Variants in GRM3 observed in about 807,000 individuals in gnomAD.
GRM3 encodes the protein metabotropic glutamate receptor 3.
Under a neutral mutation model 70.5 loss-of-function variants are expected in GRM3, and 26 were observed. That is an observed-to-expected ratio of 0.37 (90% CI 0.27 to 0.51). The LOEUF (loss-of-function observed/expected upper bound fraction) is 0.51. Among genes scored for constraint, GRM3 ranks in the 20% least tolerant of loss-of-function variants. The pLI, the probability that GRM3 is intolerant of heterozygous loss-of-function variation, is 0.93. For missense variants in GRM3, 859 were observed against 1,123.8 expected, an observed-to-expected ratio of 0.76 and a Z score of 3.37; for synonymous variants, 443 against 434.9, an observed-to-expected ratio of 1.02 and a Z score of -0.23.
At chr7:86,853,867 G>A (rs996392406) in intron 5 of GRM3, among the ~76,000 whole-genome samples, 5 of 152,134 alleles carry the variant, frequency 3.3e-5, no homozygotes, top group Admixed American at 1.3e-4. Context: ...TTCTTTCATG[G>A]TTTTAAGCAG....
chr7:86,712,327 C>G (rs903740061), intron 1 of GRM3, among the ~76,000 whole-genome samples: 1 of 152,002 alleles, frequency 6.6e-6, no homozygotes, highest in Non-Finnish European at 1.5e-5. Flanking sequence ...CGTTATGTCA[C>G]TTCATCACTC....
At chr7:86,704,416 C>T (rs1265973240) in intron 1 of GRM3, among the ~76,000 whole-genome samples, 1 of 151,824 alleles carries the variant, frequency 6.6e-6, no homozygotes, top group Non-Finnish European at 1.5e-5. Context: ...TAACACTGGA[C>T]CACAAAAGGA....
chr7:86,731,477 C>T (rs1405543041), intron 1 of GRM3, among the ~76,000 whole-genome samples: 1 of 152,190 alleles, frequency 6.6e-6, no homozygotes, highest in Non-Finnish European at 1.5e-5. Context: ...TAACAATATT[C>T]AACCAGTTTT....
At chr7:86,692,686 C>T (rs965658309) in intron 1 of GRM3, among the ~76,000 whole-genome samples, 7 of 152,130 alleles carry the variant, frequency 4.6e-5, no homozygotes, top group Admixed American at 6.6e-5. Flanking sequence ...CTGTTTTATT[C>T]TTGAAGCTAT....
chr7:86,791,289 TATG>T (rs1311777194), intron 3 of GRM3, among the ~76,000 whole-genome samples: 3 of 152,238 alleles, frequency 2.0e-5, no homozygotes, highest in Non-Finnish European at 4.4e-5. Context: ...CAATTTATAA[TATG>T]ATTGCTTTGA....
chr7:86,681,105 CA>C (rs1487960192), intron 1 of GRM3, among the ~76,000 whole-genome samples: 1 of 152,108 alleles, frequency 6.6e-6, no homozygotes, highest in Non-Finnish European at 1.5e-5. Context: ...ACAATATTTG[CA>C]AACACTTGAT....
At chr7:86,782,731 A>G (rs1797107074) in intron 2 of GRM3, among the ~76,000 whole-genome samples, 1 of 152,226 alleles carries the variant, frequency 6.6e-6, no homozygotes, top group African/African-American at 2.4e-5. Context: ...AATGCAGCCT[A>G]GCACCCAGTG....
Position 86,839,561 on chromosome 7 carries a change from A to G in GRM3, c.2047A>G (p.Ile683Val), listed in dbSNP as rs1185935664. Residue 683 changes from isoleucine (I) to valine (V), a missense_variant, in exon 4 of 6, where the codon ATC becomes GTC. Coordinates refer to ENST00000361669, the MANE Select transcript of GRM3 (RefSeq NM_000840.3). The surrounding 1 kb of genome is among the most constrained non-coding windows in gnomAD (Gnocchi z 4.5). ...VKNGAQRPKF[I>V]SPSSQVFICL... ...GAATGGCGCTCAGAGGCCAAAATTC[A>G]TCAGCCCCAGTTCTCAGGTTTTCAT... 1.2e-6 allele frequency: 2 copies of G among 1,609,852 alleles called. No individual in the cohort carries two copies. The highest frequency in any genetic ancestry group is 2.7e-5 in the African/African-American group (2 of 74,704).
chr7:86,856,999 T>G (rs1032100737), intron 5 of GRM3, among the ~76,000 whole-genome samples: 1 of 151,976 alleles, frequency 6.6e-6, no homozygotes, highest in African/African-American at 2.4e-5. Flanking sequence ...ATAACTAGAG[T>G]TATAGATGAA....
At chr7:86,721,549 G>T (rs1041598787) in intron 1 of GRM3, among the ~76,000 whole-genome samples, 7 of 151,986 alleles carry the variant, frequency 4.6e-5, no homozygotes, top group Non-Finnish European at 8.8e-5. Flanking sequence ...TAGGCCACTG[G>T]ATTAATACTA....
At chr7:86,747,163 A>G (rs1170584800) in intron 1 of GRM3, among the ~76,000 whole-genome samples, 1 of 152,110 alleles carries the variant, frequency 6.6e-6, no homozygotes, top group African/African-American at 2.4e-5. Context: ...TAAGCAGAGA[A>G]GCCTTGAGCC....
chr7:86,782,184 C>T (rs576687470), intron 2 of GRM3, among the ~76,000 whole-genome samples: 7 of 150,242 alleles, frequency 4.7e-5, no homozygotes, highest in Non-Finnish European at 8.9e-5. Flanking sequence ...CTTCCTCCTT[C>T]CCTTTCACCC....
intron 3 of GRM3, among the ~76,000 whole-genome samples, chr7:86,787,403 C>T (rs1456510852): frequency 6.6e-6 from 1 of 152,186 alleles, no homozygotes; most frequent in Non-Finnish European, 1.5e-5. Flanking sequence ...GATTTGAGCT[C>T]TTTGTTGATG....
intron 1 of GRM3, among the ~76,000 whole-genome samples, chr7:86,752,653 T>A (rs1045325959): frequency 1.3e-5 from 2 of 152,050 alleles, no homozygotes; most frequent in African/African-American, 2.4e-5. Context: ...GGCACAGTAG[T>A]TGCCATGGAA....
intron 1 of GRM3, among the ~76,000 whole-genome samples, chr7:86,652,417 G>A (rs1042713600): frequency 5.9e-5 from 9 of 152,070 alleles, no homozygotes; most frequent in African/African-American, 1.7e-4. Flanking sequence ...TGCAACTTCC[G>A]CCTCCCGGAT....
At chr7:86,817,437 A>T (rs1340970319) in intron 3 of GRM3, among the ~76,000 whole-genome samples, 1 of 151,982 alleles carries the variant, frequency 6.6e-6, no homozygotes, top group Non-Finnish European at 1.5e-5. Flanking sequence ...TGAATATAAA[A>T]TTAACTCAAA....
Position 86,776,216 on chromosome 7 carries a change from A to G in GRM3, c.469-10045A>G, listed in dbSNP as rs572017490. On this transcript the variant is annotated intron_variant, in intron 2 of 5. Coordinates refer to ENST00000361669, the MANE Select transcript of GRM3 (RefSeq NM_000840.3). ...TTTCATTTAATCTTTACATGACTTC[A>G]TAAACCATGGATTACTATCCTTTTC... 3.9e-5 allele frequency among the ~76,000 whole-genome samples: 6 copies of G among 152,278 alleles called. No homozygotes were observed. The East Asian group carries it at 1.2e-3, about 29-fold the overall frequency.
intron 1 of GRM3, among the ~76,000 whole-genome samples, chr7:86,713,641 C>T (rs138160900): frequency 6.6e-6 from 1 of 152,038 alleles, no homozygotes; most frequent in African/African-American, 2.4e-5. Flanking sequence ...TTGTAGGATG[C>T]CTTTTTCTGT....
intron 2 of GRM3, among the ~76,000 whole-genome samples, chr7:86,772,006 G>A (rs1245297733): frequency 5.9e-5 from 9 of 152,046 alleles, no homozygotes; most frequent in African/African-American, 2.2e-4. Flanking sequence ...ATCCCTGTGA[G>A]AACCCTTTCC....
Sources: allele counts gnomAD v4.1 joint callset (sites outside exome capture counted in the v4.1 genomes callset), GRCh38; gene constraint gnomAD v4.1.1; non-coding constraint Gnocchi (gnomAD v3.1); transcripts MANE v1.5; gene names NCBI Gene and HGNC (gene_info 2026-07-23, HGNC 2026-07-21).